The following PTPRK variants were observed in gnomAD, a reference collection of about 807,000 sequenced individuals.
The protein encoded by PTPRK is receptor-type tyrosine-protein phosphatase kappa.
Under a neutral mutation model 178.0 loss-of-function variants are expected in PTPRK, and 75 were observed. The observed-to-expected ratio is 0.42, with a 90% CI of 0.35 to 0.51. The LOEUF (loss-of-function observed/expected upper bound fraction) is 0.51. PTPRK is among the 20% of genes least tolerant of loss of function. The pLI is 0.02. For missense variants in PTPRK, 1,441 were observed against 1,797.8 expected (o/e 0.80, Z 3.59); for synonymous variants, 637 against 620.6 (o/e 1.03, Z -0.39).
rs549439631 is a variant in PTPRK, at chr6:128,109,223, C to T, written c.1163-19231G>A. On this transcript the variant is annotated intron_variant, in intron 7 of 29. Coordinates refer to ENST00000368226, the MANE Select transcript of PTPRK (RefSeq NM_002844.4). ...TGAGTCCTATGCTTGTCATACTTGC[C>T]CTTTTACAAGTTTCAAAAGTTTGAA... is the stretch of plus-strand genomic sequence containing the variant. Among the ~76,000 whole-genome samples, 4 of 152,096 alleles carry T rather than the reference C, an allele frequency of 2.6e-5. No homozygotes were observed. The South Asian group carries it at 8.3e-4, about 32-fold the overall frequency.
rs540072521 is a variant in PTPRK, at chr6:128,426,485, C to A, written c.101-28797G>T. 7.9e-5 allele frequency among the ~76,000 whole-genome samples: 12 copies of A among 152,286 alleles called. No individual in the cohort carries two copies. In the South Asian group the frequency reaches 2.5e-3, roughly 32 times the overall value. On this transcript the variant is annotated intron_variant, in intron 1 of 29. Coordinates refer to ENST00000368226, the MANE Select transcript of PTPRK (RefSeq NM_002844.4). ...TCATTGTATTCTTCTCAGCACCCAA[C>A]AGAAAAATTCAAATATAGCTTAATC...
chr6:128,458,086 G>A (rs1848605180), intron 1 of PTPRK, among the ~76,000 whole-genome samples: 1 of 151,972 alleles, frequency 6.6e-6, no homozygotes. Flanking sequence ...GTCTCTACTG[G>A]GTCAACACTA....
At chr6:128,479,260 A>C (rs1473320173) in intron 1 of PTPRK, among the ~76,000 whole-genome samples, 1 of 152,126 alleles carries the variant, frequency 6.6e-6, no homozygotes, top group Non-Finnish European at 1.5e-5. Context: ...TCAATGTCTC[A>C]GATGGAAAAA....
intron 2 of PTPRK, among the ~76,000 whole-genome samples, chr6:128,323,241 G>A (rs982509150): frequency 2.0e-5 from 3 of 151,896 alleles, no homozygotes; most frequent in Admixed American, 6.6e-5. Flanking sequence ...CTTGAACAAC[G>A]GGCTGCTGCT....
At chr6:128,052,864 A>G (rs1478073612) in intron 13 of PTPRK, among the ~76,000 whole-genome samples, 2 of 152,118 alleles carry the variant, frequency 1.3e-5, no homozygotes, top group African/African-American at 4.8e-5. Context: ...TTGATTCTCA[A>G]GTAATAGGCC....
intron 2 of PTPRK, among the ~76,000 whole-genome samples, chr6:128,348,353 GT>G (rs1832690033): frequency 4.0e-5 from 6 of 151,894 alleles, no homozygotes; most frequent in Admixed American, 3.9e-4. Context: ...TTTGAACTCA[GT>G]ATCCACCATC....
chr6:128,052,912 A>C (rs1779264895), intron 13 of PTPRK, among the ~76,000 whole-genome samples: 1 of 152,098 alleles, frequency 6.6e-6, no homozygotes, highest in Non-Finnish European at 1.5e-5. Flanking sequence ...TGAGGTTGGC[A>C]ATTGTGTCCT....
intron 4 of PTPRK, chr6:128,241,354 AC>A: frequency 1.9e-6 from 1 of 527,386 alleles, no homozygotes. Flanking sequence ...GTCAGGCCCC[AC>A]CCCAGACCTA....
intron 13 of PTPRK, among the ~76,000 whole-genome samples, chr6:128,047,558 A>G (rs1318367988): frequency 1.3e-5 from 2 of 152,160 alleles, no homozygotes; most frequent in East Asian, 1.9e-4. Context: ...AAGTTCCACC[A>G]AAGTACCTAT....
intron 13 of PTPRK, among the ~76,000 whole-genome samples, chr6:128,035,367 A>AAAATAAATAAAT (rs34826115): frequency 0.029 from 4,343 of 151,134 alleles, 203 homozygotes; most frequent in African/African-American, 0.1. Flanking sequence ...ACTCTGTCTC[A>AAAATAAATAAAT]AAATAAATAA....
intron 3 of PTPRK, among the ~76,000 whole-genome samples, chr6:128,297,606 A>G (rs897291675): frequency 1.3e-5 from 2 of 152,248 alleles, no homozygotes; most frequent in African/African-American, 4.8e-5. Flanking sequence ...GAAACTGAAC[A>G]ACCTGCTCCT....
chr6:128,410,700 CA>C (rs1484017823), intron 1 of PTPRK, among the ~76,000 whole-genome samples: 3 of 152,150 alleles, frequency 2.0e-5, no homozygotes, highest in Non-Finnish European at 4.4e-5. Flanking sequence ...GCATTAACTG[CA>C]TCTCCAAGGG....
intron 12 of PTPRK, among the ~76,000 whole-genome samples, chr6:128,066,685 T>C (rs996777785): frequency 4.0e-5 from 6 of 149,046 alleles, no homozygotes; most frequent in Admixed American, 6.6e-5. Flanking sequence ...TTGTCTTCCC[T>C]CTATCTCTGT....
chr6:128,491,884 A>G (rs758523687), intron 1 of PTPRK: 36 of 484,076 alleles, frequency 7.4e-5, no homozygotes, highest in Admixed American at 2.4e-4. Flanking sequence ...CTAACAGGCT[A>G]ATCTTCACGG....
At chr6:128,211,636 A>C (rs1808198818) in intron 6 of PTPRK, among the ~76,000 whole-genome samples, 1 of 152,072 alleles carries the variant, frequency 6.6e-6, no homozygotes, top group Non-Finnish European at 1.5e-5. Context: ...AGTAACAGTC[A>C]GGTTCCTGAT....
At chr6:127,973,639 T>C (rs768056815) in intron 28 of PTPRK, 25 bp downstream of exon 28, 3 of 1,609,636 alleles carry the variant, frequency 1.9e-6, no homozygotes, top group Non-Finnish European at 2.5e-6. Flanking sequence ...GCCCCATGAA[T>C]GACAGGCTGA....
At chr6:128,406,257 A>G (rs1362684026) in intron 1 of PTPRK, among the ~76,000 whole-genome samples, 1 of 151,704 alleles carries the variant, frequency 6.6e-6, no homozygotes, top group African/African-American at 2.4e-5. Flanking sequence ...CATCTCAAAA[A>G]TAATAATAAT....
chr6:128,403,934 G>C (rs539514306), intron 1 of PTPRK, among the ~76,000 whole-genome samples: 2 of 152,160 alleles, frequency 1.3e-5, no homozygotes, highest in Non-Finnish European at 2.9e-5. Flanking sequence ...TCTTGTCATA[G>C]TATCAAGAAG....
At chr6:128,408,728 A>G (rs1841978467) in intron 1 of PTPRK, among the ~76,000 whole-genome samples, 1 of 152,226 alleles carries the variant, frequency 6.6e-6, no homozygotes, top group South Asian at 2.1e-4. Context: ...TGCTAGAAGC[A>G]AAAGCAAAAT....
Sources: gnomAD v4.1 joint callset for allele counts (sites outside exome capture counted in the v4.1 genomes callset) on GRCh38, gnomAD v4.1.1 for gene constraint, MANE v1.5 for transcripts, NCBI Gene and HGNC (gene_info 2026-07-23, HGNC 2026-07-21) for gene names.